Variants in SNTG2 observed in about 807,000 individuals in gnomAD.
SNTG2 encodes syntrophin gamma 2, also known as gamma-2-syntrophin.
SNTG2 carries 74 observed loss-of-function variants against 70.9 expected under a neutral mutation model. The ratio of observed to expected loss-of-function variants is 1.04; its 90% CI spans 0.86 to 1.27. SNTG2 has a LOEUF of 1.27. Among genes scored for constraint, SNTG2 ranks in the 50% most tolerant of loss-of-function variants. SNTG2 has a pLI of 0.00. For missense variants in SNTG2, 717 were observed against 690.7 expected (o/e 1.04, Z -0.43); for synonymous variants, 278 against 273.8 (o/e 1.02, Z -0.15).
intron 1 of SNTG2, among the ~76,000 whole-genome samples, chr2:1,028,668 C>T (rs1660636396): frequency 1.3e-5 from 2 of 152,186 alleles, no homozygotes; most frequent in Admixed American, 6.5e-5. Flanking sequence ...GGTCTTACAA[C>T]ACTGAGTAGT....
intron 1 of SNTG2, among the ~76,000 whole-genome samples, chr2:1,062,621 T>C (rs567127284): frequency 9.9e-5 from 15 of 152,212 alleles, no homozygotes; most frequent in Non-Finnish European, 1.3e-4. Context: ...AGAAAATGTA[T>C]TGGGCACCAA....
intron 16 of SNTG2, among the ~76,000 whole-genome samples, chr2:1,332,318 G>T (rs1659576834): frequency 6.6e-6 from 1 of 152,132 alleles, no homozygotes; most frequent in Non-Finnish European, 1.5e-5. Context: ...CAAGGACGAG[G>T]TGGATTCACA....
At chr2:1,363,636 A>G (rs1661319535) in intron 16 of SNTG2, among the ~76,000 whole-genome samples, 1 of 152,240 alleles carries the variant, frequency 6.6e-6, no homozygotes, top group South Asian at 2.1e-4. Context: ...TCCCCAGCTT[A>G]GAACTCAACA....
At chr2:1,124,205 A>C (rs1667554573) in intron 4 of SNTG2, among the ~76,000 whole-genome samples, 1 of 152,188 alleles carries the variant, frequency 6.6e-6, no homozygotes, top group African/African-American at 2.4e-5. Context: ...TTGCATTCAT[A>C]AATCATAACA....
At chr2:1,255,441 C>T (rs1390864606) in intron 12 of SNTG2, among the ~76,000 whole-genome samples, 2 of 152,096 alleles carry the variant, frequency 1.3e-5, no homozygotes, top group Non-Finnish European at 2.9e-5. Flanking sequence ...AGGTCTGGTG[C>T]GGACCTGAGA....
Position 950,860 on chromosome 2 carries a change from C to G in SNTG2, c.-137C>G, listed in dbSNP as rs187808772. 5,978 of 275,014 alleles carry G rather than the reference C, an allele frequency of 0.022. 349 individuals carry two copies. Among genetic ancestry groups the G allele is most frequent in the African/African-American group, 0.12 (5,462 of 44,142 alleles). The allele number at this position is 275,014 out of a possible 1,614,324, so 17.0% of individuals were successfully genotyped here. The stretch of plus-strand genomic sequence containing the variant: ...AGCTCCGGTTCCCCAGCCCTGCGCC[C>G]CGGTGGAGCCCGAGCCGGAGCCGGC... On this transcript the variant is annotated 5_prime_UTR_variant, in exon 1 of 17. Transcript: ENST00000308624.
intron 8 of SNTG2, among the ~76,000 whole-genome samples, chr2:1,202,819 A>G (rs945719381): frequency 1.3e-5 from 2 of 152,342 alleles, no homozygotes; most frequent in South Asian, 2.1e-4. Context: ...TCCCAAGAGA[A>G]ACATTTTATT....
At chr2:1,293,161 T>C (rs924336944) in intron 14 of SNTG2, among the ~76,000 whole-genome samples, 1 of 151,142 alleles carries the variant, frequency 6.6e-6, no homozygotes, top group Non-Finnish European at 1.5e-5. Context: ...CTGTTACTTT[T>C]TTTTTTTTTT....
chr2:1,360,752 A>G (rs1661095695), intron 16 of SNTG2, among the ~76,000 whole-genome samples: 1 of 152,178 alleles, frequency 6.6e-6, no homozygotes, highest in Admixed American at 6.5e-5. Flanking sequence ...CCAGCATCAT[A>G]CACAGATGAG....
At chr2:1,209,879 G>A (rs2147994457) in intron 9 of SNTG2, among the ~76,000 whole-genome samples, 1 of 142,304 alleles carries the variant, frequency 7.0e-6, no homozygotes, top group East Asian at 1.9e-4. Flanking sequence ...TGTCAGCAAA[G>A]GAATTTTTTT....
chr2:1,234,907 C>A (rs930944546), intron 9 of SNTG2, among the ~76,000 whole-genome samples: 2 of 152,230 alleles, frequency 1.3e-5, no homozygotes, highest in South Asian at 2.1e-4. Flanking sequence ...ACAGTACTGA[C>A]CCTGCTGAGA....
At chr2:1,196,178 A>C (rs1672897063) in intron 8 of SNTG2, among the ~76,000 whole-genome samples, 1 of 152,200 alleles carries the variant, frequency 6.6e-6, no homozygotes, top group Non-Finnish European at 1.5e-5. Flanking sequence ...ATATTTTAAA[A>C]ACAAGGAAAC....
chr2:1,062,691 G>A (rs1225072201), intron 1 of SNTG2, among the ~76,000 whole-genome samples: 1 of 152,126 alleles, frequency 6.6e-6, no homozygotes, highest in East Asian at 1.9e-4. Flanking sequence ...ATTTTAAGTT[G>A]ATTTTTGCAT....
chr2:1,316,402 C>A, intron 16 of SNTG2, 27 bp downstream of exon 16: 1 of 1,171,086 alleles, frequency 8.5e-7, no homozygotes, highest in Non-Finnish European at 1.2e-6. Flanking sequence ...ATGGGTTATT[C>A]TGCCACCACC....
At chr2:1,313,357 G>T (rs941444027) in intron 15 of SNTG2, among the ~76,000 whole-genome samples, 90 of 152,292 alleles carry the variant, frequency 5.9e-4, no homozygotes, top group African/African-American at 2.1e-3. Flanking sequence ...GCCACGGGAG[G>T]ATGGGTCCAC....
intron 11 of SNTG2, among the ~76,000 whole-genome samples, chr2:1,245,024 A>G (rs994095741): frequency 6.6e-6 from 1 of 151,270 alleles, no homozygotes; most frequent in African/African-American, 2.4e-5. Context: ...CGCAAGGACA[A>G]AAAACCAAAC....
intron 1 of SNTG2, among the ~76,000 whole-genome samples, chr2:989,381 T>G (rs1661424070): frequency 6.6e-6 from 1 of 152,046 alleles, no homozygotes; most frequent in Non-Finnish European, 1.5e-5. Flanking sequence ...AAGGTCCCTG[T>G]TTCCATTCCT....
chr2:1,105,999 G>C (rs1666103594), intron 4 of SNTG2, among the ~76,000 whole-genome samples: 1 of 151,924 alleles, frequency 6.6e-6, no homozygotes, highest in Non-Finnish European at 1.5e-5. Flanking sequence ...GCAGGGTATG[G>C]AGAGCTCCTT....
chr2:1,016,832 A>G (rs550821580), intron 1 of SNTG2, among the ~76,000 whole-genome samples: 1 of 152,312 alleles, frequency 6.6e-6, no homozygotes, highest in East Asian at 1.9e-4. Flanking sequence ...CTGTGTGTTG[A>G]AAGGTGAAGC....
Sources: allele counts gnomAD v4.1 joint callset (sites outside exome capture counted in the v4.1 genomes callset), GRCh38; gene constraint gnomAD v4.1.1; transcripts MANE v1.5; gene names NCBI Gene and HGNC (gene_info 2026-07-23, HGNC 2026-07-21).